ERI1: variants seen among roughly 807,000 people sequenced by gnomAD.
The protein encoded by ERI1 is 3'-5' exoribonuclease 1.
Under a neutral mutation model 39.7 loss-of-function variants are expected in ERI1, and 39 were observed. The observed-to-expected ratio is 0.98, with a 90% CI of 0.76 to 1.28. The LOEUF (loss-of-function observed/expected upper bound fraction) is 1.28, where lower values mean the gene tolerates loss of function less well. ERI1 is among the 50% of genes most tolerant of loss of function. The probability of loss-of-function intolerance (pLI) is 0.00; values close to 1 mark genes in which losing one functional copy is unlikely to be tolerated. For missense variants in ERI1, 581 were observed against 416.9 expected, an observed-to-expected ratio of 1.39 and a Z score of -3.43; for synonymous variants, 204 against 149.6, an observed-to-expected ratio of 1.36 and a Z score of -2.65.
At chr8:9,060,170 A>G (rs1007848726) in intron 3 of ERI1, among the ~76,000 whole-genome samples, 1 of 152,114 alleles carries the variant, frequency 6.6e-6, no homozygotes, top group Admixed American at 6.5e-5. Flanking sequence ...AGCCTGAGAA[A>G]CTGCTTGGGT....
intron 3 of ERI1, among the ~76,000 whole-genome samples, chr8:9,080,593 A>G (rs1799338592): frequency 6.6e-6 from 1 of 152,176 alleles, no homozygotes; most frequent in Non-Finnish European, 1.5e-5. Flanking sequence ...GCAGGTTTTC[A>G]CAAGGTTCAC....
chr8:9,040,670 A>C (rs1797987337), intron 3 of ERI1, among the ~76,000 whole-genome samples: 1 of 151,670 alleles, frequency 6.6e-6, no homozygotes, highest in African/African-American at 2.4e-5. Flanking sequence ...CCAGTGTTGA[A>C]AATTTCTGTT....
downstream of ERI1, among the ~76,000 whole-genome samples, chr8:9,036,443 A>G (rs1263432684): frequency 6.6e-6 from 1 of 152,224 alleles, no homozygotes; most frequent in African/African-American, 2.4e-5. Context: ...CTGAACACTC[A>G]TGATTGTTAC....
chr8:9,030,091 G>A lies in ERI1; in HGVS notation c.*57G>A, dbSNP rs889654824. 1 of 1,595,822 alleles carries A rather than the reference G, an allele frequency of 6.3e-7. No individual in the cohort carries two copies. The highest frequency in any genetic ancestry group is 2.2e-5 in the East Asian group (1 of 44,534). On this transcript the variant is annotated 3_prime_UTR_variant, in exon 7 of 7. Transcript: ENST00000250263. ...AAGTTGCTATGAAGAGGTAGCAGAT[G>A]AATCTCATTGAATTAGTCCTGTAGT...
At chr8:9,058,174 A>G (rs1798572819) in intron 3 of ERI1, among the ~76,000 whole-genome samples, 1 of 152,166 alleles carries the variant, frequency 6.6e-6, no homozygotes, top group African/African-American at 2.4e-5. Context: ...GACTGCTGCA[A>G]ATTACCCAGA....
chr8:9,012,391 C>A lies in ERI1; in HGVS notation c.498+639C>A, dbSNP rs529116904. On this transcript the variant is annotated intron_variant, in intron 3 of 6. Transcript: ENST00000250263. Reference sequence around the variant, plus strand: ...AATAATACTGTTTACCTTATAAAATCTGAGCAAGAATATCCTAACATCTCA... The same window carrying A: ...AATAATACTGTTTACCTTATAAAATATGAGCAAGAATATCCTAACATCTCA... Among the ~76,000 whole-genome samples the A allele has an allele frequency of 9.7e-4, 148 of 152,312 alleles. 1 individual carries two copies. The highest frequency in any genetic ancestry group is 1.6e-3 in the Non-Finnish European group (112 of 68,036).
At chr8:9,016,548 TAAAAA>T (rs367694054) in intron 4 of ERI1, 143 bp downstream of exon 4, 1 of 316,962 alleles carries the variant, frequency 3.2e-6, no homozygotes, top group African/African-American at 2.3e-5. Context: ...TTGTAATAAT[TAAAAA>T]AAAAAAAACA....
rs140029957 is a variant in ERI1 at position 9,076,022 on chromosome 8, A to G, written n.300-40326A>G. Among the ~76,000 whole-genome samples, 208 of 152,114 alleles carry G rather than the reference A, an allele frequency of 1.4e-3. 2 individuals carry two copies. Among genetic ancestry groups the G allele is most frequent in the Admixed American group, 2.4e-3 (36 of 15,264 alleles). On this transcript the variant is annotated intron_variant and non_coding_transcript_variant, in intron 3 of 3. Transcript: ENST00000518663. Reference sequence around the variant, plus strand: ...GCAATCATGGCTCACTGCAGCCTCAATCTCCTGGGTCCAAGTGATCCTCCT... The same window carrying G: ...GCAATCATGGCTCACTGCAGCCTCAGTCTCCTGGGTCCAAGTGATCCTCCT...
chr8:9,038,410 C>T (rs1797917655), intron 3 of ERI1, among the ~76,000 whole-genome samples: 1 of 152,176 alleles, frequency 6.6e-6, no homozygotes, highest in Non-Finnish European at 1.5e-5. Flanking sequence ...TATTTTTCTG[C>T]CTGAAAGTCA....
At chr8:9,053,449 A>G (rs1158325241) in intron 3 of ERI1, among the ~76,000 whole-genome samples, 1 of 152,144 alleles carries the variant, frequency 6.6e-6, no homozygotes, top group East Asian at 1.9e-4. Flanking sequence ...CAGAGAGGGA[A>G]TGGAAGCTCC....
At chr8:9,055,861 G>A (rs897046741) in intron 3 of ERI1, among the ~76,000 whole-genome samples, 1 of 152,136 alleles carries the variant, frequency 6.6e-6, no homozygotes, top group Non-Finnish European at 1.5e-5. Flanking sequence ...AAGCTTTATA[G>A]CTAGCTTTGA....
chr8:9,069,579 G>C (rs980800950), intron 3 of ERI1, among the ~76,000 whole-genome samples: 8 of 152,128 alleles, frequency 5.3e-5, no homozygotes, highest in Non-Finnish European at 2.9e-5. Context: ...CTCAAGATGA[G>C]AGTATAGAAG....
rs1324593541 is a variant in ERI1, at chr8:9,002,957, C to G, written c.-107C>G. 14 of 824,010 alleles carry G rather than the reference C, an allele frequency of 1.7e-5. No individual in the cohort carries two copies. The highest frequency in any genetic ancestry group is 1.3e-4 in the Admixed American group (3 of 23,096). 51.0% of individuals were successfully genotyped at this position (824,010 alleles called of 1,614,324 possible). On this transcript the variant is annotated 5_prime_UTR_variant, in exon 1 of 7. Coordinates refer to ENST00000250263, the MANE Select transcript of ERI1 (RefSeq NM_153332.4). ...TTGTGTGGCCGCCGCCGCGGGAACG[C>G]GAGCCCGGTAATTTTTCAACGGAGA...
At chr8:9,014,161 C>G (rs1042168455) in intron 3 of ERI1, among the ~76,000 whole-genome samples, 1 of 152,166 alleles carries the variant, frequency 6.6e-6, no homozygotes. Context: ...TACTCTTTTC[C>G]TTAACTCATT....
chr8:9,028,717 G>A (rs528713291), intron 6 of ERI1, among the ~76,000 whole-genome samples: 1 of 152,114 alleles, frequency 6.6e-6, no homozygotes, highest in South Asian at 2.1e-4. Context: ...TCTGCCTCCC[G>A]GGTTCAAGGG....
chr8:9,044,844 G>C (rs1428969522), intron 3 of ERI1, among the ~76,000 whole-genome samples: 1 of 152,016 alleles, frequency 6.6e-6, no homozygotes, highest in Non-Finnish European at 1.5e-5. Context: ...ACCCTGACCT[G>C]CCACACCTGC....
chr8:9,061,957 G>C (rs1798712696), intron 3 of ERI1, among the ~76,000 whole-genome samples: 1 of 152,054 alleles, frequency 6.6e-6, no homozygotes, highest in South Asian at 2.1e-4. Context: ...ATTGTGGAGG[G>C]AGGCATTGAG....
chr8:9,065,510 G>C (rs887243017), intron 3 of ERI1, among the ~76,000 whole-genome samples: 1 of 151,880 alleles, frequency 6.6e-6, no homozygotes, highest in Non-Finnish European at 1.5e-5. Flanking sequence ...CTTGGCTAAC[G>C]TGGTGAAACG....
Position 9,067,672 on chromosome 8 carries a change from G to A in ERI1, n.299+47208G>A, listed in dbSNP as rs574246332. The stretch of plus-strand genomic sequence containing the variant: ...CCTTTCTAAAAAAAAAAAAAAAAAG[G>A]TGACAAGACCTTCCATAACATGGAT... On this transcript the variant is annotated intron_variant and non_coding_transcript_variant, in intron 3 of 3. Coordinates refer to the ERI1 transcript ENST00000518663. 7.9e-3 allele frequency among the ~76,000 whole-genome samples: 1,168 copies of A among 147,976 alleles called. 12 individuals carry two copies. The highest frequency in any genetic ancestry group is 0.028 in the African/African-American group (1,130 of 40,854).
Sources: gnomAD v4.1 joint callset for allele counts (sites outside exome capture counted in the v4.1 genomes callset) on GRCh38, gnomAD v4.1.1 for gene constraint, MANE v1.5 for transcripts, NCBI Gene and HGNC (gene_info 2026-07-23, HGNC 2026-07-21) for gene names.